Variants in ACER3 observed in about 807,000 individuals in gnomAD.
ACER3 encodes alkaline ceramidase 3, also known as alkCDase 3.
In ACER3, 16 loss-of-function variants were observed where a neutral mutation model predicts 48.9. The observed-to-expected ratio is 0.33, with a 90% CI of 0.22 to 0.50. The LOEUF (loss-of-function observed/expected upper bound fraction) is 0.50, where lower values mean the gene tolerates loss of function less well. Among genes scored for constraint, ACER3 ranks in the 20% least tolerant of loss-of-function variants. The probability of loss-of-function intolerance (pLI) is 0.98; values close to 1 mark genes in which losing one functional copy is unlikely to be tolerated. For missense variants in ACER3, 227 were observed against 326.0 expected (o/e 0.70, Z 2.34); for synonymous variants, 109 against 107.8 (o/e 1.01, Z -0.07).
At chr11:76,938,704 A>G (rs973459217) in intron 2 of ACER3, among the ~76,000 whole-genome samples, 9 of 152,228 alleles carry the variant, frequency 5.9e-5, no homozygotes, top group African/African-American at 1.9e-4. Context: ...GAAGGCAAGG[A>G]AAAAACCCTG....
intron 2 of ACER3, among the ~76,000 whole-genome samples, chr11:76,950,748 G>C (rs537333471): frequency 2.1e-4 from 32 of 152,040 alleles, no homozygotes; most frequent in Non-Finnish European, 3.5e-4. Flanking sequence ...TTACAGGCAT[G>C]AGCCACCATG....
intron 1 of ACER3, among the ~76,000 whole-genome samples, chr11:76,884,743 G>A (rs190051453): frequency 6.6e-6 from 1 of 152,012 alleles, no homozygotes; most frequent in Non-Finnish European, 1.5e-5. Context: ...CAGGTGAATT[G>A]GATTCTTATT....
intron 2 of ACER3, among the ~76,000 whole-genome samples, chr11:76,953,733 A>G (rs1346325257): frequency 6.6e-6 from 1 of 152,228 alleles, no homozygotes; most frequent in Non-Finnish European, 1.5e-5. Flanking sequence ...ATAGTTTACA[A>G]ATAAATATAT....
rs1443763295 is a variant in ACER3 at position 76,861,097 on chromosome 11, A to T, written c.103+18A>T. The T allele has an allele frequency of 6.6e-7, 1 of 1,526,434 alleles. No individual in the cohort carries two copies. The allele number at this position is 1,526,434 out of a possible 1,614,324, so 94.6% of individuals were successfully genotyped here. A position where few individuals can be genotyped will look rare whatever the true frequency, so the allele number is the denominator to read the frequency against. ...CGAGTTCTGTGAGTGTGGCCTGAGGAGGGGAGTGGGGGCGAGAGGGCACCG... is the reference window on the plus strand; with the variant it reads ...CGAGTTCTGTGAGTGTGGCCTGAGGTGGGGAGTGGGGGCGAGAGGGCACCG... On this transcript the variant is annotated intron_variant, in intron 1 of 10. Coordinates refer to ENST00000532485, the MANE Select transcript of ACER3 (RefSeq NM_018367.7).
intron 3 of ACER3, among the ~76,000 whole-genome samples, chr11:76,973,215 C>G (rs1371985979): frequency 1.3e-5 from 2 of 152,170 alleles, no homozygotes; most frequent in East Asian, 3.9e-4. Flanking sequence ...GAGACCCATT[C>G]TGGACTTCTG....
chr11:76,951,691 C>T (rs1170342231), intron 2 of ACER3, among the ~76,000 whole-genome samples: 1 of 152,188 alleles, frequency 6.6e-6, no homozygotes, highest in Non-Finnish European at 1.5e-5. Flanking sequence ...ATCAGCCATT[C>T]AGCAAATACC....
At chr11:76,869,657 A>C (rs1271787348) in intron 1 of ACER3, among the ~76,000 whole-genome samples, 1 of 113,894 alleles carries the variant, frequency 8.8e-6, no homozygotes, top group Non-Finnish European at 1.8e-5. Flanking sequence ...TCCTCCTTCT[A>C]GTCACTGGCA....
At chr11:76,988,023 AC>A (rs1230137012) in intron 5 of ACER3, among the ~76,000 whole-genome samples, 1 of 152,220 alleles carries the variant, frequency 6.6e-6, no homozygotes, top group Non-Finnish European at 1.5e-5. Context: ...AGCAAAAGAG[AC>A]TGAGAACAAG....
At position 77,025,410 on chromosome 11, in the gene ACER3, ATT is replaced by A. The variant is rs60391997; in HGVS notation, c.*5085_*5086del. 6 of 141,724 alleles carry A rather than the reference ATT, an allele frequency of 4.2e-5. No homozygotes were observed. Among genetic ancestry groups the A allele is most frequent in the African/African-American group, 1.4e-4 (5 of 36,438 alleles). 8.8% of individuals were successfully genotyped at this position (141,724 alleles called of 1,614,324 possible). A position where few individuals can be genotyped will look rare whatever the true frequency, so the allele number is the denominator to read the frequency against. ...TTATTCTTTATATATATATATATATATTTATTTATTTTTTTGAGACAGAGTCT... is the reference window on the plus strand; with the variant it reads ...TTATTCTTTATATATATATATATATATATTTATTTTTTTGAGACAGAGTCT... On this transcript the variant is annotated 3_prime_UTR_variant, in exon 11 of 11. Coordinates refer to ENST00000532485, the MANE Select transcript of ACER3 (RefSeq NM_018367.7).
intron 2 of ACER3, 172 bp from the exon 3 acceptor site, chr11:76,958,807 C>T: frequency 3.0e-6 from 2 of 657,504 alleles, no homozygotes; most frequent in South Asian, 2.0e-5. Flanking sequence ...TTTTCTACAC[C>T]AAAATTTCAC....
chr11:76,923,513 T>G (rs776010199), intron 1 of ACER3, among the ~76,000 whole-genome samples: 3 of 152,246 alleles, frequency 2.0e-5, no homozygotes, highest in Non-Finnish European at 4.4e-5. Flanking sequence ...TTGCTTTTTT[T>G]GTATGCCTGG....
rs552208731 is a variant in ACER3, at chr11:76,886,917, A to G, written c.103+25838A>G. On this transcript the variant is annotated intron_variant, in intron 1 of 10. Coordinates refer to ENST00000532485, the MANE Select transcript of ACER3 (RefSeq NM_018367.7). Reference sequence around the variant, plus strand: ...GGTTTTGAACTCCTGAACTCAAGCAATCCTCCCGCCTTGGCCTCCCAAAGT... The same window carrying G: ...GGTTTTGAACTCCTGAACTCAAGCAGTCCTCCCGCCTTGGCCTCCCAAAGT... 7.9e-5 allele frequency among the ~76,000 whole-genome samples: 12 copies of G among 152,292 alleles called. No individual in the cohort carries two copies. In the South Asian group the frequency reaches 8.3e-4, roughly 11 times the overall value.
At chr11:76,920,519 C>T (rs866976736) in intron 1 of ACER3, among the ~76,000 whole-genome samples, 1 of 152,018 alleles carries the variant, frequency 6.6e-6, no homozygotes, top group Non-Finnish European at 1.5e-5. Context: ...CTCTGATATT[C>T]CTTTATTCTG....
At chr11:76,998,726 A>G (rs1948965798) in intron 6 of ACER3, 37 bp from the exon 7 acceptor site, 3 of 1,501,466 alleles carry the variant, frequency 2.0e-6, no homozygotes, top group Non-Finnish European at 1.8e-6. Context: ...GCCAAACAAT[A>G]ATGATTGTAC....
intron 2 of ACER3, among the ~76,000 whole-genome samples, chr11:76,951,790 G>T (rs1336627367): frequency 6.6e-6 from 1 of 152,166 alleles, no homozygotes; most frequent in African/African-American, 2.4e-5. Context: ...ATGAACCTTA[G>T]AATCCAAAAG....
At chr11:76,861,954 C>G (rs972887433) in intron 1 of ACER3, among the ~76,000 whole-genome samples, 2 of 152,192 alleles carry the variant, frequency 1.3e-5, no homozygotes, top group Non-Finnish European at 2.9e-5. Context: ...ATGTGGGTGT[C>G]TGTCTGTTTT....
intron 2 of ACER3, among the ~76,000 whole-genome samples, chr11:76,927,356 T>C (rs1471523690): frequency 6.6e-6 from 1 of 152,164 alleles, no homozygotes; most frequent in African/African-American, 2.4e-5. Context: ...CGTAGTGAAA[T>C]CACTTCTGTC....
intron 3 of ACER3, among the ~76,000 whole-genome samples, chr11:76,963,556 A>G (rs1432100580): frequency 2.0e-5 from 3 of 151,270 alleles, no homozygotes; most frequent in Non-Finnish European, 4.4e-5. Context: ...GCATATAATG[A>G]GGTCCTAGGT....
At chr11:77,011,027 T>C (rs1169578687) in intron 7 of ACER3, among the ~76,000 whole-genome samples, 1 of 152,176 alleles carries the variant, frequency 6.6e-6, no homozygotes, top group East Asian at 1.9e-4. Flanking sequence ...GTGCGTGGGA[T>C]ACAAGACAGG....
Sources: gnomAD v4.1 joint callset for allele counts (sites outside exome capture counted in the v4.1 genomes callset) on GRCh38, gnomAD v4.1.1 for gene constraint, MANE v1.5 for transcripts, NCBI Gene and HGNC (gene_info 2026-07-23, HGNC 2026-07-21) for gene names.